The following PALLD variants were observed in gnomAD, a reference collection of about 807,000 sequenced individuals.
The protein encoded by PALLD is palladin.
Under a neutral mutation model 123.5 loss-of-function variants are expected in PALLD, and 61 were observed. The ratio of observed to expected loss-of-function variants is 0.49; its 90% confidence interval spans 0.40 to 0.61. The LOEUF is 0.61. Ranked by LOEUF, PALLD falls within the 20% of genes least tolerant of loss-of-function variation. PALLD has a pLI of 0.00. For synonymous variants in PALLD, 465 were observed against 496.4 expected, an observed-to-expected ratio of 0.94 and a Z score of 0.84; for missense variants, 1,273 against 1,377.0, an observed-to-expected ratio of 0.92 and a Z score of 1.20.
chr4:168,730,400 G>T (rs1241058667), intron 10 of PALLD, among the ~76,000 whole-genome samples: 1 of 152,122 alleles, frequency 6.6e-6, no homozygotes, highest in Non-Finnish European at 1.5e-5. Context: ...TTTTGGAGGA[G>T]GGAATCCTAT....
chr4:168,589,200 T>C (rs538126916), intron 2 of PALLD, among the ~76,000 whole-genome samples: 41 of 152,332 alleles, frequency 2.7e-4, no homozygotes, highest in Middle Eastern at 3.4e-3. Flanking sequence ...ATTATGCTTC[T>C]AGAAAGTTAT....
chr4:168,755,650 A>G (rs879397867), intron 10 of PALLD, among the ~76,000 whole-genome samples: 1 of 152,234 alleles, frequency 6.6e-6, no homozygotes, highest in African/African-American at 2.4e-5. Context: ...AATTTTTTAA[A>G]TAGCACACTT....
rs771021567 is a variant in PALLD, at chr4:168,709,074, A to G, written c.1548A>G (p.Ala516=). 2 of 1,613,088 alleles carry G rather than the reference A, an allele frequency of 1.2e-6. No homozygotes were observed. The highest frequency in any genetic ancestry group is 2.2e-5 in the East Asian group (1 of 44,856). Residue 516 remains alanine, a synonymous_variant, in exon 9 of 22, where the codon GCA becomes GCG. Coordinates refer to ENST00000505667, the MANE Select transcript of PALLD (RefSeq NM_001166108.2). Reference sequence around the variant, plus strand: ...TCGCTGAGACTTTCCCTGAAGATGCAGGGATCTTTACATGTTCAGCAAGAA... The same window carrying G: ...TCGCTGAGACTTTCCCTGAAGATGCGGGGATCTTTACATGTTCAGCAAGAA... ...LVIAETFPED[A]GIFTCSARND... is the part of the protein sequence containing the mutation.
intron 10 of PALLD, chr4:168,832,787 C>G (rs1744476566): frequency 6.6e-6 from 1 of 152,238 alleles, no homozygotes; most frequent in Admixed American, 6.5e-5. Context: ...GTCCTTTCCC[C>G]GGCCGGGTGC....
intron 10 of PALLD, among the ~76,000 whole-genome samples, chr4:168,739,545 A>C (rs1039570307): frequency 6.6e-6 from 1 of 152,234 alleles, no homozygotes; most frequent in African/African-American, 2.4e-5. Context: ...TGTATATTTC[A>C]GAATAGCTAG....
chr4:168,609,497 C>T (rs1009615808), intron 2 of PALLD, among the ~76,000 whole-genome samples: 4 of 152,202 alleles, frequency 2.6e-5, no homozygotes, highest in Admixed American at 2.6e-4. Flanking sequence ...CCTGACCCCA[C>T]ATTGGGCAAG....
At chr4:168,713,908 GAAACAACATTT>G (rs1481179993) in intron 10 of PALLD, among the ~76,000 whole-genome samples, 1 of 127,166 alleles carries the variant, frequency 7.9e-6, no homozygotes. Flanking sequence ...CAACAGCTTA[GAAACAACATTT>G]ACTTGTACTA....
chr4:168,913,239 A>G (rs1238749665), intron 15 of PALLD, among the ~76,000 whole-genome samples: 1 of 150,954 alleles, frequency 6.6e-6, no homozygotes, highest in Non-Finnish European at 1.5e-5. Context: ...CGGGTTCAAT[A>G]GATTCTTCTG....
chr4:168,679,051 T>G, intron 3 of PALLD, among the ~76,000 whole-genome samples: 1 of 121,502 alleles, frequency 8.2e-6, no homozygotes, highest in Non-Finnish European at 1.7e-5. Context: ...GGTGTGGGTG[T>G]GTGTAGGTGC....
intron 3 of PALLD, among the ~76,000 whole-genome samples, chr4:168,673,672 A>G (rs1580882406): frequency 6.6e-6 from 1 of 152,086 alleles, no homozygotes; most frequent in Non-Finnish European, 1.5e-5. Context: ...TATGGCGGAG[A>G]TGAGGGAGTG....
intron 2 of PALLD, among the ~76,000 whole-genome samples, chr4:168,587,164 C>T (rs910795980): frequency 2.8e-4 from 42 of 152,064 alleles, no homozygotes; most frequent in Admixed American, 3.3e-4. Context: ...TTGAAGAATG[C>T]GGGTGTGTAG....
At chr4:168,793,146 T>TAC (rs1737795795) in intron 10 of PALLD, among the ~76,000 whole-genome samples, 1 of 100,126 alleles carries the variant, frequency 1.0e-5, no homozygotes, top group African/African-American at 3.9e-5. Context: ...TACATATATA[T>TAC]GTGTGCATAT....
At chr4:168,534,285 C>T (rs544129774) in intron 2 of PALLD, among the ~76,000 whole-genome samples, 3 of 152,332 alleles carry the variant, frequency 2.0e-5, no homozygotes, top group South Asian at 4.1e-4. Context: ...AGGAGCAAGA[C>T]CAGAGCCAGA....
intron 15 of PALLD, among the ~76,000 whole-genome samples, chr4:168,904,695 T>A (rs1342403236): frequency 3.3e-5 from 5 of 152,162 alleles, no homozygotes; most frequent in African/African-American, 9.7e-5. Flanking sequence ...AAAGGCATGG[T>A]AAAATGAGCA....
intron 3 of PALLD, 95 bp from the exon 4 acceptor site, chr4:168,681,237 G>C (rs1781519943): frequency 5.1e-6 from 4 of 791,920 alleles, no homozygotes; most frequent in Non-Finnish European, 8.7e-6. Context: ...AAAAGACTTT[G>C]TATGTTATTT....
At chr4:168,592,264 TC>T (rs1379001525) in intron 2 of PALLD, among the ~76,000 whole-genome samples, 1 of 152,088 alleles carries the variant, frequency 6.6e-6, no homozygotes, top group Non-Finnish European at 1.5e-5. Context: ...GACCTCATGA[TC>T]CGCCTGCCTC....
intron 2 of PALLD, among the ~76,000 whole-genome samples, chr4:168,586,882 G>A (rs958601628): frequency 2.6e-5 from 4 of 151,986 alleles, no homozygotes; most frequent in African/African-American, 4.8e-5. Flanking sequence ...AAAATCGAAC[G>A]TTCCCTCAGG....
intron 17 of PALLD, 133 bp downstream of exon 17, chr4:168,916,160 C>T: frequency 1.1e-6 from 1 of 901,840 alleles, no homozygotes; most frequent in Non-Finnish European, 1.8e-6. Context: ...CACCTATAAT[C>T]CCAGCACTTT....
intron 8 of PALLD, among the ~76,000 whole-genome samples, chr4:168,696,150 C>T (rs909264029): frequency 1.3e-5 from 2 of 152,096 alleles, no homozygotes; most frequent in Admixed American, 6.6e-5. Flanking sequence ...GACAAGCTTG[C>T]TCTAGAGGGA....
Sources: allele counts gnomAD v4.1 joint callset (sites outside exome capture counted in the v4.1 genomes callset), GRCh38; gene constraint gnomAD v4.1.1; transcripts MANE v1.5; gene names NCBI Gene and HGNC (gene_info 2026-07-23, HGNC 2026-07-21).